The following GLB1 variants were observed in gnomAD, a reference collection of about 807,000 sequenced individuals.
The protein encoded by GLB1 is beta-galactosidase.
In GLB1, 56 loss-of-function variants were observed where a neutral mutation model predicts 74.0. The observed-to-expected ratio is 0.76, with a 90% CI of 0.61 to 0.94. The LOEUF (loss-of-function observed/expected upper bound fraction) is 0.94. GLB1 is among the 40% of genes least tolerant of loss of function. The probability of loss-of-function intolerance (pLI) is 0.00; values close to 1 mark genes in which losing one functional copy is unlikely to be tolerated. For synonymous variants in GLB1, 323 were observed against 323.6 expected, an observed-to-expected ratio of 1.00 and a Z score of 0.02; for missense variants, 787 against 845.5, an observed-to-expected ratio of 0.93 and a Z score of 0.86.
chr3:32,983,088 T>A, the GLB1 span, among the ~76,000 whole-genome samples: 1 of 152,172 alleles, frequency 6.6e-6, no homozygotes, highest in African/African-American at 2.4e-5. Context: ...GGTGTGAACT[T>A]CAGTTTAAAT....
intron 10 of GLB1, among the ~76,000 whole-genome samples, chr3:33,026,549 C>T (rs886187455): frequency 1.3e-5 from 2 of 152,080 alleles, no homozygotes; most frequent in African/African-American, 4.8e-5. Context: ...GGGGAGGGCC[C>T]GAAGCCTGGG....
intron 1 of GLB1, chr3:33,092,276 T>A (rs904203930): frequency 2.9e-5 from 29 of 986,220 alleles, no homozygotes; most frequent in African/African-American, 1.7e-4. Context: ...TCAATAGAGG[T>A]GATCCTGATA....
chr3:32,994,654 C>T (rs1696276558), downstream of GLB1, among the ~76,000 whole-genome samples: 1 of 152,104 alleles, frequency 6.6e-6, no homozygotes, highest in Admixed American at 6.6e-5. Flanking sequence ...GGCGCAGTGG[C>T]TCATGCCTGT....
At chr3:32,996,585 C>A, downstream of GLB1, 1 of 231,408 alleles carries the variant, frequency 4.3e-6, no homozygotes, top group Non-Finnish European at 8.6e-6. Flanking sequence ...AGAAAAGCAG[C>A]AGTCCACAGA....
At chr3:33,091,256 GTCA>G (rs1700746859) in intron 1 of GLB1, 4 of 985,366 alleles carry the variant, frequency 4.1e-6, no homozygotes, top group East Asian at 1.1e-4. Flanking sequence ...ATGGCCCACT[GTCA>G]ATACCGTGGC....
chr3:33,085,187 T>C (rs1209078619), intron 1 of GLB1, among the ~76,000 whole-genome samples: 4 of 150,978 alleles, frequency 2.6e-5, no homozygotes, highest in East Asian at 2.0e-4. Flanking sequence ...GGTGGGAGGA[T>C]TGCTTGAGCC....
chr3:32,966,810 G>A, the GLB1 span, among the ~76,000 whole-genome samples: 47 of 152,238 alleles, frequency 3.1e-4, no homozygotes, highest in African/African-American at 1.0e-3. Flanking sequence ...AATAAGTCTC[G>A]CAAGATCTGA....
intron 15 of GLB1, among the ~76,000 whole-genome samples, chr3:33,006,123 T>C (rs898900064): frequency 3.9e-5 from 6 of 152,198 alleles, no homozygotes; most frequent in African/African-American, 1.4e-4. Context: ...GCACAAGCAC[T>C]GCTGCAGTGG....
At chr3:32,973,082 C>T in the GLB1 span, among the ~76,000 whole-genome samples, 1 of 152,224 alleles carries the variant, frequency 6.6e-6, no homozygotes, top group African/African-American at 2.4e-5. Flanking sequence ...CAGATCTCCC[C>T]TCACCCACGA....
chr3:33,068,433 C>A, intron 3 of GLB1, 143 bp from the exon 4 acceptor site: 2 of 1,167,430 alleles, frequency 1.7e-6, no homozygotes, highest in South Asian at 3.2e-5. Context: ...TGGTTTATAA[C>A]TTGCAGAGAA....
At chr3:33,096,884 G>C (rs1701055232) in intron 1 of GLB1, 127 bp downstream of exon 1, 3 of 1,476,886 alleles carry the variant, frequency 2.0e-6, no homozygotes, top group Admixed American at 4.6e-5. Flanking sequence ...CCGCGAGCCT[G>C]CTGGGGGGCA....
chr3:33,051,816 A>T lies in GLB1; in HGVS notation c.915-18T>A, dbSNP rs1414056707. On this transcript the variant is annotated intron_variant, in intron 8 of 15. Transcript: ENST00000307363. ...ACATGTACCTACAAGGAAACAAAAG[A>T]ACACGGTACTTCACTGTGAGCCCAT... The T allele has an allele frequency of 6.2e-7, 1 of 1,614,022 alleles. No individual in the cohort carries two copies. The highest frequency in any genetic ancestry group is 1.3e-5 in the African/African-American group (1 of 74,898).
chr3:32,963,081 C>T, the GLB1 span, among the ~76,000 whole-genome samples: 2 of 151,970 alleles, frequency 1.3e-5, no homozygotes, highest in African/African-American at 4.8e-5. Flanking sequence ...AGCAATGTTG[C>T]AGAAAGTCAA....
chr3:33,072,970 G>A (rs559683557), intron 1 of GLB1, among the ~76,000 whole-genome samples: 1 of 152,224 alleles, frequency 6.6e-6, no homozygotes, highest in East Asian at 1.9e-4. Flanking sequence ...GCACTGAGCT[G>A]ACAATCAGTG....
chr3:33,089,570 T>C (rs779713599), intron 1 of GLB1, among the ~76,000 whole-genome samples: 1 of 152,186 alleles, frequency 6.6e-6, no homozygotes, highest in Non-Finnish European at 1.5e-5. Flanking sequence ...AGTATTACTG[T>C]AGTCCAGCCT....
rs189855305 is a variant in GLB1 at position 33,075,251 on chromosome 3, G to C, written c.76-2538C>G. On this transcript the variant is annotated intron_variant, in intron 1 of 15. Coordinates refer to ENST00000307363, the MANE Select transcript of GLB1 (RefSeq NM_000404.4). ...GCCCATGAGGTGGGAACATTCATTA[G>C]ACAGGTAGAAAGGAGGCCAAGCAAC... 3.9e-5 allele frequency among the ~76,000 whole-genome samples: 6 copies of C among 152,310 alleles called. No individual in the cohort carries two copies. In the East Asian group the frequency reaches 9.6e-4, roughly 24 times the overall value.
intron 10 of GLB1, chr3:33,045,166 G>T: frequency 4.2e-6 from 1 of 238,934 alleles, no homozygotes. Flanking sequence ...TTCTTTTCAA[G>T]CTTTACAGCA....
At chr3:32,982,760 CTTCT>C in the GLB1 span, among the ~76,000 whole-genome samples, 1 of 152,240 alleles carries the variant, frequency 6.6e-6, no homozygotes, top group Non-Finnish European at 1.5e-5. Context: ...CTAGAATCAT[CTTCT>C]TTCTGACTGA....
chr3:32,968,944 G>A, the GLB1 span, among the ~76,000 whole-genome samples: 4 of 152,330 alleles, frequency 2.6e-5, no homozygotes, highest in African/African-American at 7.2e-5. Context: ...CTGCCCTACT[G>A]GCATGGGCAG....
Sources: gnomAD v4.1 joint callset for allele counts (sites outside exome capture counted in the v4.1 genomes callset) on GRCh38, gnomAD v4.1.1 for gene constraint, MANE v1.5 for transcripts, NCBI Gene and HGNC (gene_info 2026-07-23, HGNC 2026-07-21) for gene names.